The following RAI14 variants were observed in gnomAD, a reference collection of about 807,000 sequenced individuals.
RAI14 encodes ankycorbin.
RAI14 carries 45 observed loss-of-function variants against 115.4 expected under a neutral mutation model. That is an observed-to-expected ratio of 0.39 (90% CI 0.31 to 0.50). The LOEUF (loss-of-function observed/expected upper bound fraction) is 0.50, where lower values mean the gene tolerates loss of function less well. Ranked by LOEUF, RAI14 falls within the 20% of genes least tolerant of loss-of-function variation. The probability of loss-of-function intolerance (pLI) is 0.85; values close to 1 mark genes in which losing one functional copy is unlikely to be tolerated. For missense variants in RAI14, 939 were observed against 1,131.2 expected (o/e 0.83, Z 2.44); for synonymous variants, 371 against 415.4 (o/e 0.89, Z 1.30).
chr5:34,781,729 C>T (rs981368907), intron 3 of RAI14, among the ~76,000 whole-genome samples: 3 of 152,194 alleles, frequency 2.0e-5, no homozygotes, highest in African/African-American at 7.2e-5. Context: ...CTGAGCAATT[C>T]CACTCCTCGG....
chr5:34,754,314 C>G (rs1747587473), intron 2 of RAI14, among the ~76,000 whole-genome samples: 1 of 152,112 alleles, frequency 6.6e-6, no homozygotes, highest in South Asian at 2.1e-4. Flanking sequence ...GATCAGAATC[C>G]AGATTCCTGG....
intron 16 of RAI14, among the ~76,000 whole-genome samples, chr5:34,828,090 T>A (rs1467964958): frequency 1.3e-5 from 2 of 152,128 alleles, no homozygotes; most frequent in Non-Finnish European, 2.9e-5. Context: ...GAGGGTAGAA[T>A]CTGGACCGCA....
At chr5:34,687,589 C>G in intron 2 of RAI14, 5 of 1,508,134 alleles carry the variant, frequency 3.3e-6, no homozygotes, top group Non-Finnish European at 4.4e-6. Context: ...GGGTTGTACA[C>G]GATAATATTT....
chr5:34,780,827 C>G (rs1186846474), intron 3 of RAI14, among the ~76,000 whole-genome samples: 3 of 152,152 alleles, frequency 2.0e-5, no homozygotes, highest in African/African-American at 7.2e-5. Flanking sequence ...CCTCAAGGAT[C>G]TAGAACTAGA....
At chr5:34,674,688 G>A (rs530415559) in intron 1 of RAI14, among the ~76,000 whole-genome samples, 1 of 150,824 alleles carries the variant, frequency 6.6e-6, no homozygotes, top group Non-Finnish European at 1.5e-5. Context: ...AGATTCAAGC[G>A]ATTCTCCTGC....
chr5:34,752,646 CT>C (rs1168853981), intron 2 of RAI14, among the ~76,000 whole-genome samples: 1 of 150,198 alleles, frequency 6.7e-6, no homozygotes, highest in Non-Finnish European at 1.5e-5. Context: ...GAAGCAGTGG[CT>C]GCCAGTGTTT....
chr5:34,668,262 C>A (rs1249447498), intron 1 of RAI14, among the ~76,000 whole-genome samples: 1 of 152,076 alleles, frequency 6.6e-6, no homozygotes, highest in Non-Finnish European at 1.5e-5. Context: ...GGCATGATGG[C>A]GCACGCCTGT....
chr5:34,792,235 C>CTAT (rs1554005380), intron 3 of RAI14, among the ~76,000 whole-genome samples: 88 of 127,470 alleles, frequency 6.9e-4, no homozygotes, highest in African/African-American at 2.3e-3. Flanking sequence ...TTTCTTTTTT[C>CTAT]TTTTTTTTTT....
At chr5:34,671,166 A>T (rs987536704) in intron 1 of RAI14, among the ~76,000 whole-genome samples, 4 of 152,176 alleles carry the variant, frequency 2.6e-5, no homozygotes, top group African/African-American at 9.7e-5. Flanking sequence ...GCACCTTGTC[A>T]GCCCTAATTG....
intron 7 of RAI14, among the ~76,000 whole-genome samples, chr5:34,809,467 G>C (rs1381162711): frequency 6.6e-6 from 1 of 152,136 alleles, no homozygotes; most frequent in African/African-American, 2.4e-5. Flanking sequence ...TGAGACAGAT[G>C]ATTCTGGTGT....
intron 3 of RAI14, among the ~76,000 whole-genome samples, chr5:34,793,150 G>A (rs1753124038): frequency 6.6e-6 from 1 of 152,192 alleles, no homozygotes; most frequent in East Asian, 1.9e-4. Context: ...CTATGTCTAA[G>A]AAAATTCTTT....
At chr5:34,720,951 G>A (rs1429830388) in intron 2 of RAI14, among the ~76,000 whole-genome samples, 1 of 151,910 alleles carries the variant, frequency 6.6e-6, no homozygotes, top group African/African-American at 2.4e-5. Flanking sequence ...TCAGCCTCCG[G>A]AGTAGCTGGA....
At chr5:34,661,838 T>C (rs1054627697) in intron 1 of RAI14, among the ~76,000 whole-genome samples, 1 of 152,214 alleles carries the variant, frequency 6.6e-6, no homozygotes, top group East Asian at 1.9e-4. Context: ...CATTTCTTTC[T>C]TTTTTCTTGA....
rs369302342 is a variant in RAI14, at chr5:34,732,439, A to ATT, written c.37-25011_37-25010dup. ...TCTTGCAAAATATTTACCATGCTTG[A>ATT]TTTTTTTTTTTTTTTTTTTGACAGA... On this transcript the variant is annotated intron_variant, in intron 2 of 17. Coordinates refer to ENST00000265109, the MANE Select transcript of RAI14 (RefSeq NM_015577.3). Among the ~76,000 whole-genome samples the ATT allele has an allele frequency of 9.4e-3, 1,264 of 133,882 alleles. 26 individuals are homozygous for ATT. The highest frequency in any genetic ancestry group is 0.034 in the African/African-American group (1,215 of 36,042). The allele number at this position is 133,882 out of a possible 152,430, so 87.8% of individuals were successfully genotyped here.
At chr5:34,766,134 T>C (rs115430500) in intron 3 of RAI14, among the ~76,000 whole-genome samples, 1,657 of 152,290 alleles carry the variant, frequency 0.011, 33 homozygotes, top group African/African-American at 0.038. Context: ...GGGGTGCACA[T>C]GGAGAACCTC....
At position 34,822,721 on chromosome 5, in the gene RAI14, T is replaced by G. The variant is rs1199319995; in HGVS notation, c.1114-235T>G. On this transcript the variant is annotated intron_variant, in intron 14 of 17. Coordinates refer to ENST00000265109, the MANE Select transcript of RAI14 (RefSeq NM_015577.3). The stretch of plus-strand genomic sequence containing the variant: ...TTTTTTGAGACGGAGTCTTGCTCTG[T>G]CGCCCAGGCTGGAGTGCAGTGGCGC... 2.4e-5 allele frequency among the ~76,000 whole-genome samples: 3 copies of G among 123,726 alleles called. No homozygotes were observed. In the Admixed American group the frequency reaches 3.2e-4, roughly 13 times the overall value. 81.2% of individuals were successfully genotyped at this position (123,726 alleles called of 152,430 possible). A position where few individuals can be genotyped will look rare whatever the true frequency, so the allele number is the denominator to read the frequency against.
chr5:34,669,608 C>T (rs983831302), intron 1 of RAI14, among the ~76,000 whole-genome samples: 4 of 152,178 alleles, frequency 2.6e-5, no homozygotes, highest in African/African-American at 4.8e-5. Flanking sequence ...AACAGTAGCA[C>T]TGTGCACCTC....
intron 2 of RAI14, among the ~76,000 whole-genome samples, chr5:34,711,310 G>T (rs973353257): frequency 2.0e-5 from 3 of 151,042 alleles, no homozygotes; most frequent in African/African-American, 7.3e-5. Context: ...TTGCCGGCAG[G>T]GGGTGGATCT....
At chr5:34,774,477 A>G (rs1161215352) in intron 3 of RAI14, among the ~76,000 whole-genome samples, 1 of 152,188 alleles carries the variant, frequency 6.6e-6, no homozygotes, top group Admixed American at 6.6e-5. Flanking sequence ...ACAGCAAACC[A>G]TCTGAAAAAA....
Sources: gnomAD v4.1 joint callset for allele counts (sites outside exome capture counted in the v4.1 genomes callset) on GRCh38, gnomAD v4.1.1 for gene constraint, MANE v1.5 for transcripts, NCBI Gene and HGNC (gene_info 2026-07-23, HGNC 2026-07-21) for gene names.